Variants in CCT4 observed in about 807,000 individuals in gnomAD.
CCT4 encodes chaperonin containing TCP1 subunit 4, also known as T-complex protein 1 subunit delta.
In CCT4, 17 loss-of-function variants were observed where a neutral mutation model predicts 62.5. That is an observed-to-expected ratio of 0.27 (90% CI 0.19 to 0.41). The LOEUF (loss-of-function observed/expected upper bound fraction) is 0.41. Among genes scored for constraint, CCT4 ranks in the 10% least tolerant of loss-of-function variants. CCT4 has a pLI of 1.00. For missense variants in CCT4, 592 were observed against 659.2 expected (o/e 0.90, Z 1.12); for synonymous variants, 250 against 229.9 (o/e 1.09, Z -0.79).
chr2:61,877,119 A>T, intron 6 of CCT4, 67 bp from the exon 7 acceptor site: 1 of 1,364,704 alleles, frequency 7.3e-7, no homozygotes, highest in Non-Finnish European at 1.0e-6. Context: ...TTAATAGATG[A>T]ACAGATTAAA....
chr2:61,888,576 G>A lies in CCT4; in HGVS notation c.-69C>T. The A allele has an allele frequency of 1.3e-6, 2 of 1,550,794 alleles. No individual in the cohort carries two copies. The highest frequency in any genetic ancestry group is 1.8e-5 in the Admixed American group (1 of 55,456). On this transcript the variant is annotated 5_prime_UTR_variant, in exon 1 of 14. Transcript: ENST00000394440. ...GACCCGGATTCTGGCCGGCCGCAGTGTAATAACGGTAAGCCCTCACTGCCT... is the reference window on the plus strand; with the variant it reads ...GACCCGGATTCTGGCCGGCCGCAGTATAATAACGGTAAGCCCTCACTGCCT...
chr2:61,876,692 G>A (rs1444130301), intron 7 of CCT4, among the ~76,000 whole-genome samples: 14 of 152,160 alleles, frequency 9.2e-5, no homozygotes, highest in Non-Finnish European at 1.8e-4. Flanking sequence ...CCAAGGAGCT[G>A]GGACTACAGG....
chr2:61,879,030 T>C lies in CCT4; in HGVS notation c.380-19A>G. 6.4e-7 allele frequency: 1 copy of C among 1,570,968 alleles called. No individual in the cohort carries two copies. Reference sequence around the variant, plus strand: ...TGAATCCCTGTAATTTGTGAAAGTCTAGTTATTTAATTGTAACAGGTAAAC... The same window carrying C: ...TGAATCCCTGTAATTTGTGAAAGTCCAGTTATTTAATTGTAACAGGTAAAC... On this transcript the variant is annotated intron_variant, in intron 4 of 13. Coordinates refer to ENST00000394440, the MANE Select transcript of CCT4 (RefSeq NM_006430.4).
At chr2:61,873,170 C>G (rs368854623) in intron 9 of CCT4, 27 bp downstream of exon 9, 9 of 1,444,598 alleles carry the variant, frequency 6.2e-6, no homozygotes, top group Non-Finnish European at 7.8e-6. Context: ...CAGACATTTT[C>G]CACAAATACA....
intron 3 of CCT4, among the ~76,000 whole-genome samples, chr2:61,881,564 CAGAA>C (rs138018677): frequency 0.016 from 2,432 of 152,098 alleles, 71 homozygotes; most frequent in African/African-American, 0.056. Flanking sequence ...TTGGAAAATA[CAGAA>C]AGAAATTAAA....
chr2:61,888,175 G>A, intron 1 of CCT4: 1 of 575,808 alleles, frequency 1.7e-6, no homozygotes. Context: ...ATGCAAAATG[G>A]GGCAAGTCCA....
intron 12 of CCT4, among the ~76,000 whole-genome samples, chr2:61,871,628 A>T (rs1668885640): frequency 6.6e-6 from 1 of 152,250 alleles, no homozygotes; most frequent in Admixed American, 6.5e-5. Flanking sequence ...ACAAAACATT[A>T]ATAAAAAGTG....
intron 3 of CCT4, among the ~76,000 whole-genome samples, chr2:61,882,739 G>C (rs1669145945): frequency 6.6e-6 from 1 of 151,894 alleles, no homozygotes; most frequent in African/African-American, 2.4e-5. Context: ...TCAAACTCCT[G>C]AGCTCAAGCA....
At position 61,881,783 on chromosome 2, in the gene CCT4, G is replaced by A. The variant is rs149840048; in HGVS notation, c.271-1389C>T. ...ATGGCTGTATGATTAACATGCTGTG[G>A]TATACTGTTTAAACATTTTCTTATC... On this transcript the variant is annotated intron_variant, in intron 3 of 13. Transcript: ENST00000394440. Among the ~76,000 whole-genome samples the A allele has an allele frequency of 9.1e-3, 1,386 of 151,716 alleles. 17 individuals are homozygous for A. Among genetic ancestry groups the A allele is most frequent in the African/African-American group, 0.032 (1,309 of 41,394 alleles).
At chr2:61,885,331 G>T (rs1202442324) in intron 1 of CCT4, among the ~76,000 whole-genome samples, 1 of 152,084 alleles carries the variant, frequency 6.6e-6, no homozygotes, top group South Asian at 2.1e-4. Flanking sequence ...AAAATTCATT[G>T]TCTAAAAATA....
intron 1 of CCT4, among the ~76,000 whole-genome samples, chr2:61,886,991 T>G (rs1034311571): frequency 6.6e-6 from 1 of 152,168 alleles, no homozygotes. Context: ...ACTCCTGACC[T>G]CATGTGATCC....
In CCT4 at chr2:61,883,497, G is replaced by C. The variant is rs1182599902; in HGVS notation, c.232C>G (p.Leu78Val). Residue 78 changes from leucine to valine, a missense_variant, in exon 3 of 14, where the codon CTG (leucine) becomes GTG (valine). By Grantham distance (32) the Leu-to-Val change is conservative (BLOSUM62 1). This residue lies in a region of CCT4 where 522 missense variants were observed against 571.2 expected (regional missense o/e 0.91). Coordinates refer to ENST00000394440, the MANE Select transcript of CCT4 (RefSeq NM_006430.4). ...GGATGTAATACTTGCATTTGTTTCA[G>C]AATGGTAGCACCATCATTTGTAATG... The part of the protein sequence containing the change: ...VTITNDGATI[L>V]KQMQVLHPAA... The C allele has an allele frequency of 2.5e-6, 4 of 1,597,614 alleles. No homozygotes were observed. The highest frequency in any genetic ancestry group is 1.3e-5 in the African/African-American group (1 of 74,148).
At chr2:61,885,502 C>A (rs1669230614) in intron 1 of CCT4, among the ~76,000 whole-genome samples, 1 of 152,166 alleles carries the variant, frequency 6.6e-6, no homozygotes. Context: ...CCTCCGCCTC[C>A]TGAGTTCAAG....
chr2:61,871,701 T>C (rs932975741), intron 12 of CCT4, among the ~76,000 whole-genome samples: 2 of 152,248 alleles, frequency 1.3e-5, no homozygotes, highest in African/African-American at 2.4e-5. Flanking sequence ...GGGCAATGAT[T>C]TTTTATACAG....
chr2:61,873,204 A>G lies in CCT4; in HGVS notation c.1007T>C (p.Ile336Thr), dbSNP rs1459100645. 6.8e-7 allele frequency: 1 copy of G among 1,467,596 alleles called. No homozygotes were observed. Among genetic ancestry groups the G allele is most frequent in the African/African-American group, 1.4e-5 (1 of 71,704 alleles). 90.9% of individuals were successfully genotyped at this position (1,467,596 alleles called of 1,614,324 possible). A position where few individuals can be genotyped will look rare whatever the true frequency, so the allele number is the denominator to read the frequency against. The change falls in exon 9 of 14, where the codon ATT (isoleucine) becomes ACT (threonine). Residue 336 changes from isoleucine to threonine, a missense_variant. Around this residue, in one of 3 missense-constraint regions of CCT4, gnomAD observed 522 missense variants for 571.2 expected, o/e 0.91. Transcript: ENST00000394440. Reference sequence around the variant, plus strand: ...CAGATGTTAATGTTTTACCTTACAAATGAATTCAATGTCTTCTCTTTCAAT... The same window carrying G: ...CAGATGTTAATGTTTTACCTTACAAGTGAATTCAATGTCTTCTCTTTCAAT... ...KDIEREDIEF[I>T]CKTIGTKPVA...
chr2:61,870,993 C>T (rs1004977378), intron 12 of CCT4, among the ~76,000 whole-genome samples: 4 of 150,746 alleles, frequency 2.7e-5, no homozygotes, highest in Admixed American at 2.6e-4. Flanking sequence ...AAAAAAATGG[C>T]TGGCTCAATA....
chr2:61,885,208 G>T, intron 1 of CCT4, 136 bp from the exon 2 acceptor site: 2 of 549,228 alleles, frequency 3.6e-6, no homozygotes. Flanking sequence ...TCCCAGAATA[G>T]CTGGGAGTAT....
chr2:61,886,094 T>A (rs868582318), intron 1 of CCT4: 1 of 152,212 alleles, frequency 6.6e-6, no homozygotes, highest in Admixed American at 6.5e-5. Context: ...ATGGAAATGC[T>A]ACAGAGCAAG....
At position 61,877,496 on chromosome 2, in the gene CCT4, T is replaced by C. The variant is rs550508439; in HGVS notation, c.541A>G (p.Ser181Gly). 1 of 1,590,482 alleles carries C rather than the reference T, an allele frequency of 6.3e-7. No homozygotes were observed. Among genetic ancestry groups the C allele is most frequent in the Non-Finnish European group, 8.5e-7 (1 of 1,172,626 alleles). The change falls in exon 6 of 14, where the codon AGT becomes GGT. Residue 181 changes from serine (S) to glycine (G), a missense_variant. Coordinates refer to ENST00000394440, the MANE Select transcript of CCT4 (RefSeq NM_006430.4). Reference sequence around the variant, plus strand: ...TTTACACTCATTGGAGAAAGCAGACTTGAATACTGAGAAACCACCTAGAAT... The same window carrying C: ...TTTACACTCATTGGAGAAAGCAGACCTGAATACTGAGAAACCACCTAGAAT... Reference protein sequence around the residue: ...LNSKVVSQYSSLLSPMSVNAV... With the variant: ...LNSKVVSQYSGLLSPMSVNAV...
Sources: gnomAD v4.1 joint callset for allele counts (sites outside exome capture counted in the v4.1 genomes callset) on GRCh38, gnomAD v4.1.1 for gene constraint, gnomAD v4.1.1 regional missense constraint, MANE v1.5 for transcripts, NCBI Gene and HGNC (gene_info 2026-07-23, HGNC 2026-07-21) for gene names.